Variants in MARK2 observed in about 807,000 individuals in gnomAD.
MARK2 encodes microtubule affinity regulating kinase 2, also known as serine/threonine-protein kinase MARK2.
A neutral mutation model predicts 89.8 loss-of-function variants in MARK2; 16 were observed. The ratio of observed to expected loss-of-function variants is 0.18; its 90% confidence interval spans 0.12 to 0.27. MARK2 has a LOEUF of 0.27. MARK2 is among the 10% of genes least tolerant of loss of function. The pLI is 1.00. For missense variants in MARK2, 621 were observed against 1,049.9 expected (o/e 0.59, Z 5.65); for synonymous variants, 382 against 399.5 (o/e 0.96, Z 0.52).
chr11:63,884,732 A>G (rs563069622), intron 1 of MARK2, among the ~76,000 whole-genome samples: 44 of 152,338 alleles, frequency 2.9e-4, no homozygotes, highest in African/African-American at 1.0e-3. Flanking sequence ...CCAGTTTTAC[A>G]AGCTCTCCTA....
chr11:63,854,101 G>T (rs1226007476), intron 1 of MARK2, among the ~76,000 whole-genome samples: 1 of 151,832 alleles, frequency 6.6e-6, no homozygotes, highest in Non-Finnish European at 1.5e-5. Flanking sequence ...TGGAATTCCT[G>T]ACCTCAGGTG....
At position 63,852,447 on chromosome 11, in the gene MARK2, A is replaced by G. The variant is rs117111889; in HGVS notation, c.54+12887A>G. ...AACTTTTGGGAAAACTCCTAATTTT[A>G]AAAATTTTATTGACAACTTATTTTA... is the stretch of plus-strand genomic sequence containing the variant. On this transcript the variant is annotated intron_variant, in intron 1 of 18. Transcript: ENST00000402010. Among the ~76,000 whole-genome samples, 12 of 152,276 alleles carry G rather than the reference A, an allele frequency of 7.9e-5. No homozygotes were observed. The East Asian group carries it at 2.3e-3, about 29-fold the overall frequency.
In MARK2 at chr11:63,902,734, C is replaced by T. The variant is rs1306705797; in HGVS notation, c.1368C>T (p.Ser456=). Residue 456 remains serine (S), a synonymous_variant, in exon 13 of 19, where the codon AGC becomes AGT. Coordinates refer to ENST00000402010, the MANE Select transcript of MARK2 (RefSeq NM_001039469.3). This position sits in a 1 kb window ranked among gnomAD's most constrained non-coding sequence, Gnocchi z 4.2. Reference sequence around the variant, plus strand: ...GCAGCACAGCCAAGGTGCCTGCCAGCCCCCTGCCCGGTCTGGAGAGGAAGA... The same window carrying T: ...GCAGCACAGCCAAGGTGCCTGCCAGTCCCCTGCCCGGTCTGGAGAGGAAGA... The part of the protein sequence containing the change: ...KASSTAKVPA[S]PLPGLERKKT... 1.2e-6 allele frequency: 2 copies of T among 1,613,718 alleles called. No homozygotes were observed. Among genetic ancestry groups the T allele is most frequent in the East Asian group, 4.5e-5 (2 of 44,896 alleles).
intron 1 of MARK2, among the ~76,000 whole-genome samples, chr11:63,875,444 A>C (rs979681849): frequency 3.3e-5 from 5 of 151,968 alleles, no homozygotes; most frequent in Non-Finnish European, 7.4e-5. Flanking sequence ...GAGATGGGGA[A>C]TCTCATTATG....
intron 1 of MARK2, among the ~76,000 whole-genome samples, chr11:63,848,703 A>G (rs1443815494): frequency 2.0e-5 from 3 of 148,720 alleles, no homozygotes; most frequent in Middle Eastern, 3.2e-3. Flanking sequence ...GGCGCCCACC[A>G]CCATGCCCAG....
At chr11:63,895,459 T>C (rs1393733817) in intron 2 of MARK2, 121 bp downstream of exon 2, 2 of 1,413,968 alleles carry the variant, frequency 1.4e-6, no homozygotes, top group African/African-American at 2.8e-5. Context: ...AGATCTGAGA[T>C]ATAGGGGTGC....
chr11:63,894,955 T>A (rs775687154), intron 1 of MARK2, among the ~76,000 whole-genome samples: 3 of 152,168 alleles, frequency 2.0e-5, no homozygotes, highest in Non-Finnish European at 2.9e-5. Flanking sequence ...ACCTGGGCAC[T>A]GGACCTTATG....
At chr11:63,859,739 C>A (rs567563354) in intron 1 of MARK2, among the ~76,000 whole-genome samples, 6 of 152,258 alleles carry the variant, frequency 3.9e-5, no homozygotes, top group African/African-American at 1.4e-4. Flanking sequence ...TCAAGCAAAT[C>A]TCCTGCCTCG....
At chr11:63,875,977 A>C (rs996713802) in intron 1 of MARK2, among the ~76,000 whole-genome samples, 1 of 152,248 alleles carries the variant, frequency 6.6e-6, no homozygotes, top group Non-Finnish European at 1.5e-5. Context: ...GTGCACACGC[A>C]TGTGTGTGTA....
At chr11:63,895,064 C>G in intron 1 of MARK2, 95 bp from the exon 2 acceptor site, 1 of 986,358 alleles carries the variant, frequency 1.0e-6, no homozygotes, top group Non-Finnish European at 1.5e-6. Context: ...CCCCTGGAAT[C>G]TGCCCCTGCA....
intron 1 of MARK2, among the ~76,000 whole-genome samples, chr11:63,863,100 T>C (rs1687618176): frequency 6.6e-6 from 1 of 152,206 alleles, no homozygotes; most frequent in Non-Finnish European, 1.5e-5. Flanking sequence ...TCCTGGGAGC[T>C]GAACTCTGGA....
At chr11:63,882,971 C>T (rs1185271316) in intron 1 of MARK2, among the ~76,000 whole-genome samples, 1 of 152,190 alleles carries the variant, frequency 6.6e-6, no homozygotes, top group African/African-American at 2.4e-5. Flanking sequence ...CCTACCCCCA[C>T]CACCCCCATC....
chr11:63,873,785 G>A lies in MARK2; in HGVS notation c.55-21374G>A, dbSNP rs568024354. 1.8e-3 allele frequency among the ~76,000 whole-genome samples: 279 copies of A among 152,248 alleles called. 1 individual carries two copies. The highest frequency in any genetic ancestry group is 2.1e-3 in the South Asian group (10 of 4,826). On this transcript the variant is annotated intron_variant, in intron 1 of 18. Coordinates refer to ENST00000402010, the MANE Select transcript of MARK2 (RefSeq NM_001039469.3). ...CTCAGCCTCCCGAGTAGCTGAGACT[G>A]CAGGCATGCGCCACCACGCCCAGCT...
At chr11:63,842,946 T>A (rs909905204) in intron 1 of MARK2, among the ~76,000 whole-genome samples, 1 of 151,968 alleles carries the variant, frequency 6.6e-6, no homozygotes, top group Admixed American at 6.6e-5. Flanking sequence ...AAATAAACCT[T>A]GCGTTACAGG....
At chr11:63,905,551 A>G (rs1331778718) in intron 16 of MARK2, among the ~76,000 whole-genome samples, 1 of 152,222 alleles carries the variant, frequency 6.6e-6, no homozygotes, top group Non-Finnish European at 1.5e-5. Flanking sequence ...TGAAACCTAT[A>G]AATGAAATCA....
chr11:63,871,919 C>T (rs1260795869), intron 1 of MARK2, among the ~76,000 whole-genome samples: 1 of 152,134 alleles, frequency 6.6e-6, no homozygotes, highest in Non-Finnish European at 1.5e-5. Context: ...AGTAGGCTGT[C>T]CAGGATTTCA....
In MARK2 at chr11:63,872,887, GCCCCCA is replaced by G. The variant is rs1369661730; in HGVS notation, c.55-22250_55-22245del. On this transcript the variant is annotated intron_variant, in intron 1 of 18. Coordinates refer to ENST00000402010, the MANE Select transcript of MARK2 (RefSeq NM_001039469.3). The stretch of plus-strand genomic sequence containing the variant: ...CTCCTCCTCTCCCCCACTTCTCCCT[GCCCCCA>G]CCCCCACCCCCACCCCCACCCTGCC... Among the ~76,000 whole-genome samples the G allele has an allele frequency of 5.1e-3, 344 of 66,866 alleles. 3 individuals are homozygous for G. Among genetic ancestry groups the G allele is most frequent in the African/African-American group, 0.02 (328 of 16,398 alleles). 43.9% of individuals were successfully genotyped at this position (66,866 alleles called of 152,430 possible). A position where few individuals can be genotyped will look rare whatever the true frequency, so the allele number is the denominator to read the frequency against.
At chr11:63,854,049 T>A (rs945009392) in intron 1 of MARK2, among the ~76,000 whole-genome samples, 1 of 150,766 alleles carries the variant, frequency 6.6e-6, no homozygotes, top group Non-Finnish European at 1.5e-5. Context: ...ATTTTTGTAT[T>A]TTTAGTAGAG....
Position 63,864,015 on chromosome 11 carries a change from G to A in MARK2, c.54+24455G>A, listed in dbSNP as rs569036449. On this transcript the variant is annotated intron_variant, in intron 1 of 18. Coordinates refer to ENST00000402010, the MANE Select transcript of MARK2 (RefSeq NM_001039469.3). ...GTCGCCCAGGCTGGAGTGCAGTGGCGCGATCTCGGTTTGCTGCAAGCTCTG... is the reference window on the plus strand; with the variant it reads ...GTCGCCCAGGCTGGAGTGCAGTGGCACGATCTCGGTTTGCTGCAAGCTCTG... Among the ~76,000 whole-genome samples the A allele has an allele frequency of 6.3e-4, 91 of 144,200 alleles. No individual in the cohort carries two copies. The Middle Eastern group carries it at 0.025, about 40-fold the overall frequency. The allele number at this position is 144,200 out of a possible 152,430, so 94.6% of individuals were successfully genotyped here.
Sources: allele counts gnomAD v4.1 joint callset (sites outside exome capture counted in the v4.1 genomes callset), GRCh38; gene constraint gnomAD v4.1.1; non-coding constraint Gnocchi (gnomAD v3.1); transcripts MANE v1.5; gene names NCBI Gene and HGNC (gene_info 2026-07-23, HGNC 2026-07-21).